Variants in KDM1A observed in about 807,000 individuals in gnomAD.
KDM1A encodes lysine demethylase 1A, also known as lysine-specific histone demethylase 1A.
KDM1A carries 49 observed loss-of-function variants against 109.4 expected under a neutral mutation model. The ratio of observed to expected loss-of-function variants is 0.45; its 90% CI spans 0.36 to 0.57. The LOEUF (loss-of-function observed/expected upper bound fraction) is 0.57. Ranked by LOEUF, KDM1A falls within the 20% of genes least tolerant of loss-of-function variation. The pLI is 0.00. For missense variants in KDM1A, 668 were observed against 1,116.6 expected, an observed-to-expected ratio of 0.60 and a Z score of 5.73; for synonymous variants, 380 against 415.4, an observed-to-expected ratio of 0.91 and a Z score of 1.04.
intron 1 of KDM1A, among the ~76,000 whole-genome samples, chr1:23,023,332 T>C (rs1641698449): frequency 1.3e-5 from 2 of 152,216 alleles, no homozygotes; most frequent in South Asian, 4.1e-4. Context: ...CTTCTAAGAG[T>C]TTTTTAGTTT....
At chr1:23,028,614 C>T (rs1641883418) in intron 1 of KDM1A, among the ~76,000 whole-genome samples, 1 of 152,064 alleles carries the variant, frequency 6.6e-6, no homozygotes. Flanking sequence ...GGGGAAGAGT[C>T]AAGCACTATT....
chr1:23,043,776 A>G (rs1642423544), intron 2 of KDM1A, among the ~76,000 whole-genome samples: 1 of 152,234 alleles, frequency 6.6e-6, no homozygotes, highest in East Asian at 1.9e-4. Context: ...TAGAAGATTC[A>G]AGATCTTGCC....
chr1:23,073,904 T>A (rs1389891665), intron 15 of KDM1A, among the ~76,000 whole-genome samples: 4 of 152,244 alleles, frequency 2.6e-5, no homozygotes, highest in African/African-American at 9.6e-5. Flanking sequence ...GGTGCCTTAA[T>A]GGGCATTTGG....
intron 2 of KDM1A, 117 bp downstream of exon 2, chr1:23,030,751 T>C: frequency 3.7e-6 from 4 of 1,076,872 alleles, no homozygotes; most frequent in Non-Finnish European, 5.3e-6. Flanking sequence ...TAAAGTCTGA[T>C]ATTGAGTCTC....
At chr1:23,069,318 T>C (rs556828348) in intron 12 of KDM1A, among the ~76,000 whole-genome samples, 167 bp downstream of exon 12, 15 of 152,358 alleles carry the variant, frequency 9.8e-5, no homozygotes, top group African/African-American at 3.6e-4. Flanking sequence ...CTGTTTTATC[T>C]GTCAGTCTTT....
rs184696297 is a variant in KDM1A at position 23,029,583 on chromosome 1, A to C, written c.352-886A>C. 6.0e-4 allele frequency among the ~76,000 whole-genome samples: 92 copies of C among 152,290 alleles called. 1 individual carries two copies. The highest frequency in any genetic ancestry group is 2.2e-3 in the African/African-American group (90 of 41,584). Reference sequence around the variant, plus strand: ...CTCTCCTTTATAGCCAGTGTGAATTAGTAGTAAGACCTGTATCCTCCATTT... The same window carrying C: ...CTCTCCTTTATAGCCAGTGTGAATTCGTAGTAAGACCTGTATCCTCCATTT... On this transcript the variant is annotated intron_variant, in intron 1 of 20. Transcript: ENST00000400181.
At chr1:23,082,994 A>G (rs1056397509) in intron 20 of KDM1A, 185 bp from the exon 21 acceptor site, 4 of 570,284 alleles carry the variant, frequency 7.0e-6, no homozygotes, top group African/African-American at 5.6e-5. Context: ...TTATTGTCTC[A>G]TTTCTACTTG....
intron 2 of KDM1A, among the ~76,000 whole-genome samples, chr1:23,041,692 C>T (rs1418590692): frequency 1.3e-5 from 2 of 151,886 alleles, no homozygotes; most frequent in Non-Finnish European, 2.9e-5. Context: ...CCGCCCACCT[C>T]GGCCTCCCAA....
chr1:23,019,623 CGCGGCGGCG>C lies in KDM1A; in HGVS notation c.33_41del (p.Ala16_Ala18del). The C allele has an allele frequency of 2.8e-6, 4 of 1,418,186 alleles. No individual in the cohort carries two copies. Among genetic ancestry groups the C allele is most frequent in the Non-Finnish European group, 3.7e-6 (4 of 1,095,160 alleles). 87.9% of individuals were successfully genotyped at this position (1,418,186 alleles called of 1,614,324 possible). The stretch of plus-strand genomic sequence containing the variant: ...TGTTATCTGGGAAGAAGGCGGCAGC[CGCGGCGGCG>C]GCGGCTGCAGCGGCAGCAACCGGGA... On this transcript the variant is annotated inframe_deletion, in exon 1 of 21. Coordinates refer to ENST00000400181, the MANE Select transcript of KDM1A (RefSeq NM_001009999.3).
intron 9 of KDM1A, among the ~76,000 whole-genome samples, chr1:23,061,481 A>G (rs947307930): frequency 4.6e-5 from 7 of 152,208 alleles, no homozygotes; most frequent in Non-Finnish European, 8.8e-5. Flanking sequence ...TATTTGGTGC[A>G]GTAGCCAAGT....
At position 23,062,444 on chromosome 1, in the gene KDM1A, G is replaced by A. The variant is rs138687148; in HGVS notation, c.1167+3277G>A. Among the ~76,000 whole-genome samples the A allele has an allele frequency of 6.4e-4, 97 of 152,240 alleles. No homozygotes were observed. The East Asian group carries it at 0.015, about 24-fold the overall frequency. On this transcript the variant is annotated intron_variant, in intron 9 of 20. Transcript: ENST00000400181. ...TTGTGGACAGCTTCAGTCAAAAAAC[G>A]TAACTTGTTGGTTCTGTTGTTAGTA...
At position 23,069,085 on chromosome 1, in the gene KDM1A, T is replaced by G; in HGVS notation, c.1347T>G (p.Asp449Glu). 6.2e-7 allele frequency: 1 copy of G among 1,610,844 alleles called. No individual in the cohort carries two copies. Among genetic ancestry groups the G allele is most frequent in the Non-Finnish European group, 8.5e-7 (1 of 1,178,342 alleles). ...VIQLQEKHVKDEQIEHWKKIV... is the reference protein window; with the variant it reads ...VIQLQEKHVKEEQIEHWKKIV... Reference sequence around the variant, plus strand: ...GGTTACAAGAGAAGCATGTCAAAGATGAGCAGATTGAACATTGGAAGAAGA... The same window carrying G: ...GGTTACAAGAGAAGCATGTCAAAGAGGAGCAGATTGAACATTGGAAGAAGA... The change falls in exon 12 of 21, where the codon GAT (aspartate) becomes GAG (glutamate). Residue 449 changes from aspartate (D) to glutamate (E), a missense_variant. This residue lies in a region of KDM1A where 62 missense variants were observed against 82.8 expected (regional missense o/e 0.75). Transcript: ENST00000400181.
At chr1:23,060,718 G>A (rs988137932) in intron 9 of KDM1A, among the ~76,000 whole-genome samples, 1 of 152,164 alleles carries the variant, frequency 6.6e-6, no homozygotes, top group African/African-American at 2.4e-5. Flanking sequence ...TACCAGCGAG[G>A]GTAGGAAGAT....
intron 2 of KDM1A, among the ~76,000 whole-genome samples, chr1:23,038,519 C>T (rs1308812592): frequency 6.6e-6 from 1 of 152,114 alleles, no homozygotes; most frequent in Non-Finnish European, 1.5e-5. Flanking sequence ...TTCTCTGGAA[C>T]ATTTTGAAAA....
intron 10 of KDM1A, among the ~76,000 whole-genome samples, chr1:23,067,957 G>A (rs1325228303): frequency 6.6e-6 from 1 of 152,128 alleles, no homozygotes; most frequent in Non-Finnish European, 1.5e-5. Flanking sequence ...ATTCAATTCT[G>A]AACTTATTGG....
chr1:23,068,314 G>T (rs1200642192), intron 10 of KDM1A, among the ~76,000 whole-genome samples: 3 of 152,152 alleles, frequency 2.0e-5, no homozygotes. Flanking sequence ...AGCTCTGACG[G>T]CAGTAGTGGG....
At chr1:23,044,819 A>G (rs1642455177) in intron 3 of KDM1A, among the ~76,000 whole-genome samples, 1 of 152,174 alleles carries the variant, frequency 6.6e-6, no homozygotes, top group African/African-American at 2.4e-5. Context: ...GAAATACAGC[A>G]GTATACACAG....
chr1:23,022,761 C>T (rs1373981248), intron 1 of KDM1A, among the ~76,000 whole-genome samples: 3 of 145,802 alleles, frequency 2.1e-5, no homozygotes, highest in Admixed American at 7.0e-5. Flanking sequence ...TGGGTTCAAG[C>T]GATTCTCCTG....
chr1:23,062,845 A>G (rs983457442), intron 9 of KDM1A, among the ~76,000 whole-genome samples: 2 of 152,186 alleles, frequency 1.3e-5, no homozygotes, highest in African/African-American at 4.8e-5. Context: ...CCCTCTAAAT[A>G]GAAGGGATCT....
Sources: gnomAD v4.1 joint callset for allele counts (sites outside exome capture counted in the v4.1 genomes callset) on GRCh38, gnomAD v4.1.1 for gene constraint, gnomAD v4.1.1 regional missense constraint, MANE v1.5 for transcripts, NCBI Gene and HGNC (gene_info 2026-07-23, HGNC 2026-07-21) for gene names.